The following GPC6 variants were observed in gnomAD, a reference collection of about 807,000 sequenced individuals.
The protein encoded by GPC6 is glypican 6.
In GPC6, 14 loss-of-function variants were observed where a neutral mutation model predicts 55.2. The observed-to-expected ratio is 0.25, with a 90% CI of 0.17 to 0.40. GPC6 has a LOEUF of 0.40. Among genes scored for constraint, GPC6 ranks in the 10% least tolerant of loss-of-function variants. The probability of loss-of-function intolerance (pLI) is 1.00; values close to 1 mark genes in which losing one functional copy is unlikely to be tolerated. For missense variants in GPC6, 641 were observed against 708.5 expected (o/e 0.90, Z 1.08); for synonymous variants, 278 against 259.6 (o/e 1.07, Z -0.68).
At chr13:94,035,097 G>T (rs371826350) in intron 4 of GPC6, among the ~76,000 whole-genome samples, 5 of 151,706 alleles carry the variant, frequency 3.3e-5, no homozygotes, top group African/African-American at 1.2e-4. Context: ...GGAATTTTGC[G>T]TTTTGATTTT....
chr13:93,545,255 C>T lies in GPC6; in HGVS notation c.161-8C>T. 2 of 1,609,264 alleles carry T rather than the reference C, an allele frequency of 1.2e-6. No homozygotes were observed. Among genetic ancestry groups the T allele is most frequent in the South Asian group, 2.2e-5 (2 of 91,012 alleles). On this transcript the variant is annotated splice_polypyrimidine_tract_variant and splice_region_variant and intron_variant, in intron 1 of 8. Transcript: ENST00000377047. ...AATGCAATAGTGACATTTAACTTCT[C>T]ATTGCAGGGGAACACTTAAGAATCT...
intron 3 of GPC6, among the ~76,000 whole-genome samples, chr13:94,011,186 T>C (rs1249463725): frequency 6.6e-6 from 1 of 152,010 alleles, no homozygotes; most frequent in Admixed American, 6.6e-5. Flanking sequence ...TTGGAGGAGA[T>C]GTCAGGAAAA....
rs570264751 is a variant in GPC6 at position 94,145,699 on chromosome 13, G to A, written c.877+117805G>A. On this transcript the variant is annotated intron_variant, in intron 4 of 8. Transcript: ENST00000377047. ...CCCATAAATGTGTGAACTTTTCCAA[G>A]TATGGGGGAATTCAAAGATGAGCGG... Among the ~76,000 whole-genome samples the A allele has an allele frequency of 1.6e-4, 25 of 152,276 alleles. 1 individual carries two copies. In the South Asian group the frequency reaches 5.2e-3, roughly 32 times the overall value.
chr13:93,878,582 T>C (rs534202320), intron 3 of GPC6, among the ~76,000 whole-genome samples: 3 of 152,124 alleles, frequency 2.0e-5, no homozygotes, highest in Non-Finnish European at 4.4e-5. Flanking sequence ...TTCACCATGT[T>C]GGCCAGGCTG....
At chr13:93,887,104 A>G (rs1050223783) in intron 3 of GPC6, among the ~76,000 whole-genome samples, 9 of 152,232 alleles carry the variant, frequency 5.9e-5, no homozygotes, top group South Asian at 4.1e-4. Flanking sequence ...TTCTAAACAT[A>G]TGCAGTCATA....
intron 1 of GPC6, among the ~76,000 whole-genome samples, chr13:93,369,323 TA>T (rs1396791044): frequency 1.3e-5 from 2 of 152,072 alleles, no homozygotes; most frequent in Non-Finnish European, 2.9e-5. Context: ...ATAAACTTGT[TA>T]AAAATAAAAG....
chr13:93,561,901 A>G (rs1875835356), intron 2 of GPC6, among the ~76,000 whole-genome samples: 1 of 152,056 alleles, frequency 6.6e-6, no homozygotes, highest in Non-Finnish European at 1.5e-5. Context: ...AAGATTTTGA[A>G]GGGTCAAATT....
chr13:93,533,115 T>G (rs1881931358), intron 1 of GPC6, among the ~76,000 whole-genome samples: 1 of 152,166 alleles, frequency 6.6e-6, no homozygotes, highest in Non-Finnish European at 1.5e-5. Context: ...TTATAATACC[T>G]CTTTACACTG....
intron 1 of GPC6, among the ~76,000 whole-genome samples, chr13:93,434,730 CAG>C (rs1174650142): frequency 1.3e-5 from 2 of 152,168 alleles, no homozygotes; most frequent in Non-Finnish European, 2.9e-5. Context: ...GTTTTTGAGA[CAG>C]AGTCTCGTTC....
intron 3 of GPC6, among the ~76,000 whole-genome samples, chr13:93,996,006 G>C (rs997384203): frequency 6.6e-6 from 1 of 152,116 alleles, no homozygotes; most frequent in Non-Finnish European, 1.5e-5. Flanking sequence ...GATAGTTAAG[G>C]AATAATTTTA....
intron 7 of GPC6, among the ~76,000 whole-genome samples, chr13:94,383,926 T>C (rs998788233): frequency 1.3e-5 from 2 of 152,116 alleles, no homozygotes; most frequent in Admixed American, 1.3e-4. Context: ...GAGGCCCTTA[T>C]AAAAGCACCA....
intron 3 of GPC6, among the ~76,000 whole-genome samples, chr13:94,019,166 T>C (rs1419492065): frequency 1.3e-5 from 2 of 152,200 alleles, no homozygotes; most frequent in African/African-American, 2.4e-5. Flanking sequence ...TTTGGTAGAA[T>C]TTACAAGTTA....
chr13:93,223,019 C>CTTTTTTTTTTTTTTTTTTTTTTTTT (rs3073915), upstream of GPC6, among the ~76,000 whole-genome samples: 1 of 100,814 alleles, frequency 9.9e-6, no homozygotes, highest in African/African-American at 3.8e-5. Flanking sequence ...AGGGAAAACA[C>CTTTTTTTTTTTTTTTTTTTTTTTTT]TTTTTTTTTT....
At chr13:93,590,703 A>T (rs1368992590) in intron 2 of GPC6, among the ~76,000 whole-genome samples, 1 of 152,214 alleles carries the variant, frequency 6.6e-6, no homozygotes, top group Non-Finnish European at 1.5e-5. Context: ...AGTAGGTATG[A>T]CTGATAGAAA....
intron 6 of GPC6, among the ~76,000 whole-genome samples, chr13:94,374,645 A>C (rs1879749236): frequency 6.6e-6 from 1 of 151,730 alleles, no homozygotes; most frequent in Admixed American, 6.6e-5. Flanking sequence ...AACATTAGAC[A>C]GTTCAACGAG....
rs188902758 is a variant in GPC6, at chr13:93,593,752, G to A, written c.319+48331G>A. On this transcript the variant is annotated intron_variant, in intron 2 of 8. Transcript: ENST00000377047. ...TACAAGTGATATTTATTATGGCCAT[G>A]TTAAAAATATCAAAATATCTTAAAT... is the stretch of plus-strand genomic sequence containing the variant. Among the ~76,000 whole-genome samples the A allele has an allele frequency of 2.0e-5, 3 of 152,214 alleles. No homozygotes were observed. In the East Asian group the frequency reaches 5.8e-4, roughly 29 times the overall value.
At chr13:94,190,261 A>G (rs1889346380) in intron 4 of GPC6, among the ~76,000 whole-genome samples, 1 of 152,074 alleles carries the variant, frequency 6.6e-6, no homozygotes, top group South Asian at 2.1e-4. Context: ...CGGAGGTTGC[A>G]GTGAACCAAG....
intron 3 of GPC6, among the ~76,000 whole-genome samples, chr13:93,909,315 TG>T (rs1307040120): frequency 6.6e-6 from 1 of 152,122 alleles, no homozygotes; most frequent in African/African-American, 2.4e-5. Context: ...TATTATTGAG[TG>T]TTTAGCCAGG....
intron 1 of GPC6, among the ~76,000 whole-genome samples, chr13:93,292,434 TAA>T (rs1878347530): frequency 6.6e-6 from 1 of 152,162 alleles, no homozygotes; most frequent in Admixed American, 6.5e-5. Context: ...GGTAAAATAA[TAA>T]GAGTATCTCA....
Sources: allele counts gnomAD v4.1 joint callset (sites outside exome capture counted in the v4.1 genomes callset), GRCh38; gene constraint gnomAD v4.1.1; transcripts MANE v1.5; gene names NCBI Gene and HGNC (gene_info 2026-07-23, HGNC 2026-07-21).